Variants in CPNE5 observed in about 807,000 individuals in gnomAD.
The protein encoded by CPNE5 is copine-5.
In CPNE5, 42 loss-of-function variants were observed where a neutral mutation model predicts 81.1. The observed-to-expected ratio is 0.52, with a 90% CI of 0.40 to 0.67. CPNE5 has a LOEUF of 0.67. CPNE5 is among the 30% of genes least tolerant of loss of function. The probability of loss-of-function intolerance (pLI) is 0.00; values close to 1 mark genes in which losing one functional copy is unlikely to be tolerated. For synonymous variants in CPNE5, 313 were observed against 321.5 expected, an observed-to-expected ratio of 0.97 and a Z score of 0.28; for missense variants, 612 against 815.5, an observed-to-expected ratio of 0.75 and a Z score of 3.04.
At chr6:36,836,011 A>G (rs768034340) in intron 1 of CPNE5, among the ~76,000 whole-genome samples, 10 of 152,216 alleles carry the variant, frequency 6.6e-5, no homozygotes, top group Non-Finnish European at 1.5e-5. Context: ...TGAGGCATAG[A>G]CAGCTTAGTA....
At chr6:36,790,403 T>A (rs7742104) in intron 8 of CPNE5, among the ~76,000 whole-genome samples, 8,527 of 152,074 alleles carry the variant, frequency 0.056, 459 homozygotes, top group African/African-American at 0.14. Context: ...TACATAATAA[T>A]GCTAAGATGA....
chr6:36,779,860 C>A (rs144085015), intron 8 of CPNE5, among the ~76,000 whole-genome samples: 13 of 152,332 alleles, frequency 8.5e-5, no homozygotes, highest in Admixed American at 3.9e-4. Flanking sequence ...AACTCTGCAT[C>A]CTGACAAATC....
chr6:36,749,577 T>C (rs1004451433), intron 14 of CPNE5, among the ~76,000 whole-genome samples: 2 of 151,564 alleles, frequency 1.3e-5, no homozygotes, highest in African/African-American at 2.4e-5. Context: ...TGCTTCAAAT[T>C]GGATATTGGG....
In CPNE5 at chr6:36,839,394, C is replaced by G. The variant is rs1468827488; in HGVS notation, c.-17G>C. ...CTGCTCCATCGCCCACCGCACCCCC[C>G]ACCCCAAATTAGTCAATCCCTGCGC... is the stretch of plus-strand genomic sequence containing the variant. On this transcript the variant is annotated 5_prime_UTR_variant, in exon 1 of 21. Transcript: ENST00000244751. The surrounding 1 kb of genome is among the most constrained non-coding windows in gnomAD (Gnocchi z 7.3). 2.0e-6 allele frequency: 3 copies of G among 1,535,940 alleles called. No homozygotes were observed. Among genetic ancestry groups the G allele is most frequent in the Non-Finnish European group, 2.6e-6 (3 of 1,137,214 alleles).
At chr6:36,809,706 G>A (rs1409394661) in intron 3 of CPNE5, among the ~76,000 whole-genome samples, 8 of 152,048 alleles carry the variant, frequency 5.3e-5, no homozygotes. Context: ...AGAAAACAAA[G>A]GCAGAGAAGG....
At chr6:36,838,363 C>A (rs774862922) in intron 1 of CPNE5, among the ~76,000 whole-genome samples, 1 of 152,204 alleles carries the variant, frequency 6.6e-6, no homozygotes, top group Non-Finnish European at 1.5e-5. Flanking sequence ...GTGGGTGATG[C>A]TTGCGTGGCA....
At chr6:36,775,101 C>G (rs1767386480) in intron 9 of CPNE5, 36 bp from the exon 10 acceptor site, 1 of 1,557,996 alleles carries the variant, frequency 6.4e-7, no homozygotes, top group African/African-American at 1.4e-5. Flanking sequence ...GCTGTCAGGC[C>G]CAAACCCAAG....
In CPNE5 at chr6:36,766,210, T is replaced by C. The variant is rs1766550166; in HGVS notation, c.738-834A>G. On this transcript the variant is annotated intron_variant, in intron 10 of 20. Coordinates refer to ENST00000244751, the MANE Select transcript of CPNE5 (RefSeq NM_020939.2). This position sits in a 1 kb window ranked among gnomAD's most constrained non-coding sequence, Gnocchi z 4.2. ...GGGAGCTGGGGTCTTCAGCCTTCAG[T>C]TCTTAGTGGGGTGCAGAGAGGCAGC... Among the ~76,000 whole-genome samples, 1 of 152,004 alleles carries C rather than the reference T, an allele frequency of 6.6e-6. No homozygotes were observed. The highest frequency in any genetic ancestry group is 2.1e-4 in the South Asian group (1 of 4,810).
intron 8 of CPNE5, among the ~76,000 whole-genome samples, chr6:36,782,539 T>C (rs138579901): frequency 1.4e-3 from 207 of 152,188 alleles, no homozygotes; most frequent in African/African-American, 4.9e-3. Context: ...GTACAGTGGC[T>C]CATGCCTGTA....
chr6:36,781,481 C>G (rs1439804490), intron 8 of CPNE5, among the ~76,000 whole-genome samples: 1 of 152,192 alleles, frequency 6.6e-6, no homozygotes, highest in Non-Finnish European at 1.5e-5. Flanking sequence ...GAGTGCATAA[C>G]TCAGACAGTC....
At position 36,800,053 on chromosome 6, in the gene CPNE5, G is replaced by T. The variant is rs1169727075; in HGVS notation, c.201C>A (p.Val67=). The T allele has an allele frequency of 1.9e-6, 3 of 1,613,288 alleles. No homozygotes were observed. The highest frequency in any genetic ancestry group is 2.2e-5 in the East Asian group (1 of 44,872). ...AGTCAGGATTGAGCGTGTTGTCGAT[G>T]ACTTCGGTGCGCCCAAACTGCAAGA... ...KQWREFGRTE[V]IDNTLNPDFV... is the part of the protein sequence containing the mutation. Residue 67 remains valine (V), a synonymous_variant, in exon 4 of 21, where the codon GTC becomes GTA. Transcript: ENST00000244751.
intron 12 of CPNE5, among the ~76,000 whole-genome samples, chr6:36,760,651 A>G (rs140863665): frequency 2.5e-4 from 38 of 152,290 alleles, no homozygotes; most frequent in African/African-American, 8.9e-4. Context: ...TATGACCCCT[A>G]AGGTGCCCTG....
At chr6:36,817,746 T>C (rs1771675959) in intron 3 of CPNE5, among the ~76,000 whole-genome samples, 1 of 152,136 alleles carries the variant, frequency 6.6e-6, no homozygotes, top group Admixed American at 6.5e-5. Flanking sequence ...GTTCCACCAA[T>C]GGGAGGCACC....
At chr6:36,818,422 C>T (rs2150577983) in intron 3 of CPNE5, among the ~76,000 whole-genome samples, 1 of 152,306 alleles carries the variant, frequency 6.6e-6, no homozygotes, top group Non-Finnish European at 1.5e-5. Context: ...GACCCATCTC[C>T]CTATTTTCCC....
intron 9 of CPNE5, among the ~76,000 whole-genome samples, chr6:36,777,803 A>ACACACACACACACAG (rs1767683225): frequency 8.5e-6 from 1 of 117,014 alleles, no homozygotes; most frequent in Non-Finnish European, 1.7e-5. Context: ...CACACACACA[A>ACACACACACACACAG]TTTCAAGGGG....
Position 36,766,432 on chromosome 6 carries a change from G to A in CPNE5, c.738-1056C>T, listed in dbSNP as rs549711834. ...GTTCTGAATGAAGGAATGCCCAGTA[G>A]GTTGTGCACACACTGGATTTCTGTA... On this transcript the variant is annotated intron_variant, in intron 10 of 20. Coordinates refer to ENST00000244751, the MANE Select transcript of CPNE5 (RefSeq NM_020939.2). The surrounding 1 kb of genome is among the most constrained non-coding windows in gnomAD (Gnocchi z 4.2). Among the ~76,000 whole-genome samples, 2 of 152,294 alleles carry A rather than the reference G, an allele frequency of 1.3e-5. No individual in the cohort carries two copies. The highest frequency in any genetic ancestry group is 4.8e-5 in the African/African-American group (2 of 41,556).
At chr6:36,816,122 G>A (rs773282266) in intron 3 of CPNE5, among the ~76,000 whole-genome samples, 36 of 152,212 alleles carry the variant, frequency 2.4e-4, no homozygotes, top group Admixed American at 7.2e-4. Context: ...TTAGTAAGCT[G>A]AGACTTGAGA....
chr6:36,802,305 A>T (rs985549598), intron 3 of CPNE5, among the ~76,000 whole-genome samples: 9 of 151,788 alleles, frequency 5.9e-5, no homozygotes, highest in African/African-American at 2.2e-4. Context: ...AAAACAAAAA[A>T]CATTAGCTAG....
At position 36,746,331 on chromosome 6, in the gene CPNE5, A is replaced by T; in HGVS notation, c.1200+65T>A. The T allele has an allele frequency of 5.0e-6, 3 of 594,112 alleles. No individual in the cohort carries two copies. Among genetic ancestry groups the T allele is most frequent in the East Asian group, 1.2e-4 (2 of 16,552 alleles). 36.8% of individuals were successfully genotyped at this position (594,112 alleles called of 1,614,324 possible). ...CTCAGAGGAAGGGAAACGTCCCCCCACCCCCAGCTTGTCACCTCACCCCCA... is the reference window on the plus strand; with the variant it reads ...CTCAGAGGAAGGGAAACGTCCCCCCTCCCCCAGCTTGTCACCTCACCCCCA... On this transcript the variant is annotated intron_variant, in intron 16 of 20. Coordinates refer to ENST00000244751, the MANE Select transcript of CPNE5 (RefSeq NM_020939.2). This position sits in a 1 kb window ranked among gnomAD's most constrained non-coding sequence, Gnocchi z 4.5.
Sources: allele counts gnomAD v4.1 joint callset (sites outside exome capture counted in the v4.1 genomes callset), GRCh38; gene constraint gnomAD v4.1.1; non-coding constraint Gnocchi (gnomAD v3.1); transcripts MANE v1.5; gene names NCBI Gene and HGNC (gene_info 2026-07-23, HGNC 2026-07-21).